CSMD1: variants seen among roughly 807,000 people sequenced by gnomAD.
The protein encoded by CSMD1 is CUB and Sushi multiple domains 1, also known as CUB and sushi domain-containing protein 1.
In CSMD1, 213 loss-of-function variants were observed where a neutral mutation model predicts 417.5. The ratio of observed to expected loss-of-function variants is 0.51; its 90% CI spans 0.46 to 0.57. The LOEUF (loss-of-function observed/expected upper bound fraction) is 0.57. Among genes scored for constraint, CSMD1 ranks in the 20% least tolerant of loss-of-function variants. CSMD1 has a pLI of 0.00. For missense variants in CSMD1, 6,923 were observed against 4,529.7 expected, an observed-to-expected ratio of 1.53 and a Z score of -15.17; for synonymous variants, 2,862 against 1,736.8, an observed-to-expected ratio of 1.65 and a Z score of -16.11.
intron 5 of CSMD1, among the ~76,000 whole-genome samples, chr8:3,948,531 A>G (rs560707630): frequency 1.3e-5 from 2 of 152,210 alleles, no homozygotes; most frequent in Middle Eastern, 3.4e-3. Context: ...TTTATTTTAT[A>G]TATATTATAT....
intron 5 of CSMD1, among the ~76,000 whole-genome samples, chr8:3,956,718 G>A (rs1228363435): frequency 6.6e-6 from 1 of 152,020 alleles, no homozygotes; most frequent in Non-Finnish European, 1.5e-5. Context: ...CCTACTCTAA[G>A]GAAGTTCAGT....
intron 23 of CSMD1, among the ~76,000 whole-genome samples, chr8:3,322,145 T>A (rs1489372575): frequency 1.3e-5 from 2 of 152,344 alleles, no homozygotes; most frequent in East Asian, 3.9e-4. Context: ...TTGGTCATAA[T>A]GAGTTTGAGG....
chr8:3,559,709 T>C (rs941657840), intron 10 of CSMD1, among the ~76,000 whole-genome samples: 2 of 152,186 alleles, frequency 1.3e-5, no homozygotes, highest in African/African-American at 4.8e-5. Flanking sequence ...AATGATCACA[T>C]ATTGATTGTA....
At chr8:4,001,006 G>T (rs912201551) in intron 4 of CSMD1, among the ~76,000 whole-genome samples, 2 of 151,194 alleles carry the variant, frequency 1.3e-5, no homozygotes, top group Non-Finnish European at 2.9e-5. Flanking sequence ...AATTCACCTT[G>T]TTGGCAAGAA....
At chr8:4,293,504 T>C (rs1355702509) in intron 3 of CSMD1, among the ~76,000 whole-genome samples, 4 of 152,204 alleles carry the variant, frequency 2.6e-5, no homozygotes, top group Admixed American at 2.6e-4. Flanking sequence ...TTTCTTTTTA[T>C]ACTTACTTTA....
At chr8:3,262,386 A>G (rs1801145440) in intron 26 of CSMD1, among the ~76,000 whole-genome samples, 1 of 151,414 alleles carries the variant, frequency 6.6e-6, no homozygotes, top group Non-Finnish European at 1.5e-5. Context: ...TCTGAAGATG[A>G]CAGTATCCAT....
intron 2 of CSMD1, among the ~76,000 whole-genome samples, chr8:4,447,144 AAAC>A (rs1351981349): frequency 6.6e-6 from 1 of 152,212 alleles, no homozygotes; most frequent in Admixed American, 6.5e-5. Context: ...TGTTAAAGAC[AAAC>A]AACATTTTAA....
chr8:2,966,054 A>G (rs757373732), intron 58 of CSMD1, 100 bp from the exon 59 acceptor site: 6 of 1,089,554 alleles, frequency 5.5e-6, no homozygotes, highest in African/African-American at 1.6e-5. Flanking sequence ...GTTGCTATTC[A>G]CAGTGGTTAA....
intron 2 of CSMD1, among the ~76,000 whole-genome samples, chr8:4,525,352 G>A (rs1416013013): frequency 6.6e-6 from 1 of 152,100 alleles, no homozygotes; most frequent in African/African-American, 2.4e-5. Flanking sequence ...CAGTGAGTGA[G>A]AAACCTCCAA....
chr8:3,515,573 C>T (rs1005655924), intron 10 of CSMD1, among the ~76,000 whole-genome samples: 2 of 152,178 alleles, frequency 1.3e-5, no homozygotes, highest in Non-Finnish European at 2.9e-5. Context: ...TTGCCGTTTT[C>T]GGAAGTTTAG....
At chr8:4,018,254 T>C (rs1051064941) in intron 4 of CSMD1, among the ~76,000 whole-genome samples, 2 of 152,024 alleles carry the variant, frequency 1.3e-5, no homozygotes, top group African/African-American at 4.8e-5. Flanking sequence ...ATTTAAACAT[T>C]TGGTATTATG....
intron 23 of CSMD1, among the ~76,000 whole-genome samples, chr8:3,319,735 T>TGTC (rs1396600931): frequency 2.0e-5 from 3 of 152,092 alleles, no homozygotes; most frequent in African/African-American, 7.2e-5. Flanking sequence ...GTAAGAAAAG[T>TGTC]GTCAGAAGAA....
intron 14 of CSMD1, 24 bp downstream of exon 14, chr8:3,407,875 T>C (rs551102955): frequency 2.6e-6 from 4 of 1,566,536 alleles, no homozygotes; most frequent in Non-Finnish European, 2.6e-6. Flanking sequence ...AACTTGGATG[T>C]GTTGACTGTG....
intron 1 of CSMD1, among the ~76,000 whole-genome samples, chr8:4,989,793 G>C (rs897252125): frequency 6.6e-6 from 1 of 152,172 alleles, no homozygotes; most frequent in African/African-American, 2.4e-5. Flanking sequence ...TGGGTTTGCT[G>C]TATCGTCTGC....
chr8:4,185,334 T>C (rs1041106615), intron 3 of CSMD1, among the ~76,000 whole-genome samples: 5 of 152,086 alleles, frequency 3.3e-5, no homozygotes, highest in Non-Finnish European at 7.4e-5. Flanking sequence ...GGGCTCACAA[T>C]AGTTTTGTCA....
At chr8:4,664,978 A>T (rs1329752941) in intron 1 of CSMD1, among the ~76,000 whole-genome samples, 1 of 152,232 alleles carries the variant, frequency 6.6e-6, no homozygotes, top group Non-Finnish European at 1.5e-5. Context: ...CTGAAAAAGG[A>T]AAATAATATC....
chr8:4,035,433 G>C (rs758084384), intron 3 of CSMD1, among the ~76,000 whole-genome samples: 4 of 152,060 alleles, frequency 2.6e-5, no homozygotes, highest in Non-Finnish European at 5.9e-5. Context: ...ACCTTAGTCA[G>C]GTCCTTCAGG....
intron 3 of CSMD1, among the ~76,000 whole-genome samples, chr8:4,387,480 A>G (rs1803527811): frequency 6.7e-6 from 1 of 148,314 alleles, no homozygotes; most frequent in South Asian, 2.2e-4. Flanking sequence ...GTGTACTTTC[A>G]TATCATACTT....
chr8:3,670,912 G>A (rs571485919), intron 7 of CSMD1, among the ~76,000 whole-genome samples: 2 of 146,464 alleles, frequency 1.4e-5, no homozygotes, highest in Non-Finnish European at 1.5e-5. Flanking sequence ...TATGTATATG[G>A]GATATATATG....
Sources: gnomAD v4.1 joint callset for allele counts (sites outside exome capture counted in the v4.1 genomes callset) on GRCh38, gnomAD v4.1.1 for gene constraint, MANE v1.5 for transcripts, NCBI Gene and HGNC (gene_info 2026-07-23, HGNC 2026-07-21) for gene names.